Variants in CSMD1 observed in about 807,000 individuals in gnomAD.
The protein encoded by CSMD1 is CUB and sushi domain-containing protein 1.
A neutral mutation model predicts 417.5 loss-of-function variants in CSMD1; 213 were observed. That is an observed-to-expected ratio of 0.51 (90% confidence interval 0.46 to 0.57). CSMD1 has a LOEUF of 0.57. Ranked by LOEUF, CSMD1 falls within the 20% of genes least tolerant of loss-of-function variation. The pLI is 0.00. For synonymous variants in CSMD1, 2,862 were observed against 1,736.8 expected, an observed-to-expected ratio of 1.65 and a Z score of -16.11; for missense variants, 6,923 against 4,529.7, an observed-to-expected ratio of 1.53 and a Z score of -15.17.
chr8:4,340,376 A>T (rs1400444807), intron 3 of CSMD1, among the ~76,000 whole-genome samples: 2 of 152,020 alleles, frequency 1.3e-5, no homozygotes. Context: ...AAAATGTAGA[A>T]AATAACACTC....
At chr8:3,193,047 C>G (rs1796509938) in intron 33 of CSMD1, among the ~76,000 whole-genome samples, 1 of 152,154 alleles carries the variant, frequency 6.6e-6, no homozygotes, top group African/African-American at 2.4e-5. Flanking sequence ...TTACAAAATA[C>G]CTGCTATCGT....
chr8:4,902,543 C>A (rs1420311552), intron 1 of CSMD1, among the ~76,000 whole-genome samples: 3 of 151,972 alleles, frequency 2.0e-5, no homozygotes, highest in Non-Finnish European at 4.4e-5. Context: ...TTACATGAAA[C>A]ATTCAAGACA....
intron 41 of CSMD1, among the ~76,000 whole-genome samples, chr8:3,121,353 C>T (rs1047469826): frequency 3.3e-5 from 5 of 151,962 alleles, no homozygotes; most frequent in Admixed American, 2.0e-4. Flanking sequence ...GAGTCAGAGA[C>T]GCAGCAGAAA....
intron 1 of CSMD1, among the ~76,000 whole-genome samples, chr8:4,928,142 G>A (rs936250333): frequency 5.9e-5 from 9 of 152,014 alleles, no homozygotes; most frequent in South Asian, 2.1e-4. Flanking sequence ...CTCTGCCCAC[G>A]TGGGACGCAC....
At chr8:4,862,105 G>A (rs1802170821) in intron 1 of CSMD1, among the ~76,000 whole-genome samples, 1 of 152,070 alleles carries the variant, frequency 6.6e-6, no homozygotes, top group Admixed American at 6.6e-5. Context: ...AAGGAAGGAA[G>A]GAGTGAGTCA....
intron 5 of CSMD1, among the ~76,000 whole-genome samples, chr8:3,904,942 A>C (rs1808015077): frequency 1.3e-5 from 2 of 151,970 alleles, no homozygotes; most frequent in African/African-American, 4.8e-5. Flanking sequence ...CAGCCCCAAA[A>C]TACGTATTTT....
rs541693191 is a variant in CSMD1, at chr8:4,123,949, A to G, written c.416-91850T>C. 2.6e-5 allele frequency among the ~76,000 whole-genome samples: 4 copies of G among 152,348 alleles called. No individual in the cohort carries two copies. The South Asian group carries it at 6.2e-4, about 24-fold the overall frequency. ...GTTTCTTATTTGTCAATTACAACTCAAAAAAGCTGGAAAAAAGTTTCTGAT... is the reference window on the plus strand; with the variant it reads ...GTTTCTTATTTGTCAATTACAACTCGAAAAAGCTGGAAAAAAGTTTCTGAT... On this transcript the variant is annotated intron_variant, in intron 3 of 69. Transcript: ENST00000635120.
At chr8:2,972,531 AC>A (rs1804547194) in intron 57 of CSMD1, among the ~76,000 whole-genome samples, 1 of 152,144 alleles carries the variant, frequency 6.6e-6, no homozygotes, top group Non-Finnish European at 1.5e-5. Context: ...TTTCTGATAC[AC>A]AGTGCAGTGT....
chr8:4,169,423 T>C (rs986115107), intron 3 of CSMD1, among the ~76,000 whole-genome samples: 1 of 152,126 alleles, frequency 6.6e-6, no homozygotes, highest in African/African-American at 2.4e-5. Flanking sequence ...TTTTCTCACA[T>C]CCCACCTTTA....
intron 3 of CSMD1, among the ~76,000 whole-genome samples, chr8:4,417,147 G>C (rs1048320011): frequency 6.6e-6 from 1 of 151,926 alleles, no homozygotes; most frequent in African/African-American, 2.4e-5. Flanking sequence ...ACTTGCTGAG[G>C]TCTATATTCA....
At chr8:4,594,761 C>G (rs1199940806) in intron 2 of CSMD1, among the ~76,000 whole-genome samples, 1 of 152,132 alleles carries the variant, frequency 6.6e-6, no homozygotes, top group Non-Finnish European at 1.5e-5. Context: ...CTTTCCTCCC[C>G]AGGCTCTAAG....
chr8:3,998,813 T>G (rs1476128307), intron 4 of CSMD1, among the ~76,000 whole-genome samples: 1 of 149,170 alleles, frequency 6.7e-6, no homozygotes, highest in African/African-American at 2.5e-5. Flanking sequence ...AAAAAGCTTC[T>G]TTGTTACATT....
intron 7 of CSMD1, among the ~76,000 whole-genome samples, chr8:3,690,905 A>G (rs1401100952): frequency 6.6e-6 from 1 of 152,244 alleles, no homozygotes; most frequent in Non-Finnish European, 1.5e-5. Flanking sequence ...TTAAATAACA[A>G]CAAATAAATT....
chr8:4,701,902 C>A (rs1374081789), intron 1 of CSMD1, among the ~76,000 whole-genome samples: 1 of 152,152 alleles, frequency 6.6e-6, no homozygotes, highest in African/African-American at 2.4e-5. Flanking sequence ...ATGTGGCACA[C>A]GTACACTGTG....
rs181963419 is a variant in CSMD1, at chr8:3,350,075, G to A, written c.3305-1914C>T. 1.5e-3 allele frequency among the ~76,000 whole-genome samples: 203 copies of A among 138,452 alleles called. 2 individuals are homozygous for A. Among genetic ancestry groups the A allele is most frequent in the Middle Eastern group, 6.4e-3 (1 of 156 alleles). 90.8% of individuals were successfully genotyped at this position (138,452 alleles called of 152,430 possible). On this transcript the variant is annotated intron_variant, in intron 21 of 69. Transcript: ENST00000635120. ...CCTATAATAACTTGTGTATGTGTGT[G>A]TTATAATACCTATAATAACCTATAA...
intron 6 of CSMD1, among the ~76,000 whole-genome samples, chr8:3,723,247 T>C (rs569837502): frequency 6.6e-6 from 1 of 152,224 alleles, no homozygotes; most frequent in African/African-American, 2.4e-5. Flanking sequence ...CCATCAACAA[T>C]GCAACGGGGA....
intron 3 of CSMD1, among the ~76,000 whole-genome samples, chr8:4,225,206 C>G (rs926638304): frequency 6.6e-6 from 1 of 152,156 alleles, no homozygotes; most frequent in African/African-American, 2.4e-5. Context: ...GCGCACACCT[C>G]CATAAACCAG....
rs114033110 is a variant in CSMD1, at chr8:4,977,980, G to A, written c.85+16352C>T. ...GGTCCTGCACAGGTGCTGTATTTAC[G>A]AGGTTTCCCTGTTGATGTGTGCTTG... On this transcript the variant is annotated intron_variant, in intron 1 of 69. Transcript: ENST00000635120. Among the ~76,000 whole-genome samples the A allele has an allele frequency of 6.1e-3, 935 of 152,266 alleles. 7 individuals carry two copies. The highest frequency in any genetic ancestry group is 0.021 in the African/African-American group (878 of 41,550).
At chr8:4,351,348 T>C (rs1434373671) in intron 3 of CSMD1, among the ~76,000 whole-genome samples, 1 of 152,236 alleles carries the variant, frequency 6.6e-6, no homozygotes, top group African/African-American at 2.4e-5. Context: ...AATGAAAATT[T>C]GAGGCATCTC....
Sources: gnomAD v4.1 joint callset for allele counts (sites outside exome capture counted in the v4.1 genomes callset) on GRCh38, gnomAD v4.1.1 for gene constraint, MANE v1.5 for transcripts, NCBI Gene and HGNC (gene_info 2026-07-23, HGNC 2026-07-21) for gene names.